Variants in ABLIM2 observed in about 807,000 individuals in gnomAD.
The protein encoded by ABLIM2 is actin-binding LIM protein 2.
ABLIM2 carries 53 observed loss-of-function variants against 97.7 expected under a neutral mutation model. That is an observed-to-expected ratio of 0.54 (90% confidence interval 0.44 to 0.68). The LOEUF (loss-of-function observed/expected upper bound fraction) is 0.68, where lower values mean the gene tolerates loss of function less well. ABLIM2 is among the 30% of genes least tolerant of loss of function. ABLIM2 has a pLI of 0.00. For missense variants in ABLIM2, 835 were observed against 867.2 expected (o/e 0.96, Z 0.47); for synonymous variants, 361 against 345.8 (o/e 1.04, Z -0.49).
chr4:7,974,696 T>C, intron 20 of ABLIM2, among the ~76,000 whole-genome samples: 1 of 150,480 alleles, frequency 6.6e-6, no homozygotes, highest in Non-Finnish European at 1.5e-5. Context: ...AACCCATCCA[T>C]CCACCCACCC....
intron 1 of ABLIM2, among the ~76,000 whole-genome samples, chr4:8,117,672 C>T (rs952335266): frequency 3.3e-4 from 50 of 151,222 alleles, no homozygotes; most frequent in African/African-American, 1.2e-3. Flanking sequence ...GCTTCTTCTC[C>T]CATACCCTGT....
chr4:8,150,647 G>A lies in ABLIM2; in HGVS notation c.10+8033C>T, dbSNP rs1712355377. ...AGCCACTGCTGCTGCCTGGGATGGGGGCTGCTCAGTAGAATGCAGCTAAAA... is the reference window on the plus strand; with the variant it reads ...AGCCACTGCTGCTGCCTGGGATGGGAGCTGCTCAGTAGAATGCAGCTAAAA... On this transcript the variant is annotated intron_variant, in intron 1 of 20. Coordinates refer to ENST00000447017, the MANE Select transcript of ABLIM2 (RefSeq NM_001130083.2). The surrounding 1 kb of genome is among the most constrained non-coding windows in gnomAD (Gnocchi z 6.3). 1.3e-5 allele frequency among the ~76,000 whole-genome samples: 2 copies of A among 152,212 alleles called. 1 individual carries two copies. The highest frequency in any genetic ancestry group is 4.1e-4 in the South Asian group (2 of 4,830).
At position 8,150,518 on chromosome 4, in the gene ABLIM2, C is replaced by T. The variant is rs1315884767; in HGVS notation, c.10+8162G>A. On this transcript the variant is annotated intron_variant, in intron 1 of 20. Coordinates refer to ENST00000447017, the MANE Select transcript of ABLIM2 (RefSeq NM_001130083.2). This position sits in a 1 kb window ranked among gnomAD's most constrained non-coding sequence, Gnocchi z 6.3. ...CACTTTTCTTGGTGCGCTGGCTGGA[C>T]TCACATTTCCAGATCGTCTCTCTAA... Among the ~76,000 whole-genome samples the T allele has an allele frequency of 2.0e-5, 3 of 152,240 alleles. No individual in the cohort carries two copies. Among genetic ancestry groups the T allele is most frequent in the Non-Finnish European group, 2.9e-5 (2 of 68,040 alleles).
intron 20 of ABLIM2, among the ~76,000 whole-genome samples, chr4:7,980,148 C>G (rs11728588): frequency 2.0e-5 from 3 of 151,920 alleles, no homozygotes; most frequent in Admixed American, 1.3e-4. Context: ...ATGAACCCCC[C>G]CTCTCTGCCA....
At chr4:8,049,752 A>G (rs1794796140) in intron 8 of ABLIM2, among the ~76,000 whole-genome samples, 1 of 152,092 alleles carries the variant, frequency 6.6e-6, no homozygotes, top group Non-Finnish European at 1.5e-5. Flanking sequence ...TTTTTGAGAC[A>G]GGGTCTCACT....
rs947377428 is a variant in ABLIM2, at chr4:8,022,550, C to T, written c.1268-2247G>A. ...AACACCAGCCCGAGTCCTGCCACCT[C>T]GGTCCCTCCCTCCCAGCACCCCGCC... is the stretch of plus-strand genomic sequence containing the variant. On this transcript the variant is annotated intron_variant, in intron 12 of 20. Coordinates refer to ENST00000447017, the MANE Select transcript of ABLIM2 (RefSeq NM_001130083.2). This position sits in a 1 kb window ranked among gnomAD's most constrained non-coding sequence, Gnocchi z 7.8. 1.3e-5 allele frequency: 2 copies of T among 152,550 alleles called. No homozygotes were observed. The highest frequency in any genetic ancestry group is 6.5e-5 in the Admixed American group (1 of 15,294). The allele number at this position is 152,550 out of a possible 1,614,324, so 9.4% of individuals were successfully genotyped here. A position where few individuals can be genotyped will look rare whatever the true frequency, so the allele number is the denominator to read the frequency against.
At chr4:8,024,199 C>G in intron 12 of ABLIM2, among the ~76,000 whole-genome samples, 1 of 152,292 alleles carries the variant, frequency 6.6e-6, no homozygotes, top group Middle Eastern at 3.4e-3. Context: ...GTGGGCCCAC[C>G]GCTCAGCACA....
chr4:7,980,938 C>CTTTTTTTTTTTTTTTTTTTTTTTTTTT (rs1255215577), intron 20 of ABLIM2, among the ~76,000 whole-genome samples: 1 of 38,494 alleles, frequency 2.6e-5, no homozygotes, highest in Non-Finnish European at 5.4e-5. Flanking sequence ...TCCACAACCC[C>CTTTTTTTTTTTTTTTTTTTTTTTTTTT]TTATTTTTTT....
At chr4:8,009,712 A>G (rs919597634) in intron 14 of ABLIM2, among the ~76,000 whole-genome samples, 1 of 152,130 alleles carries the variant, frequency 6.6e-6, no homozygotes, top group Non-Finnish European at 1.5e-5. Flanking sequence ...GCCTTTTGAG[A>G]ACAAGCATTT....
chr4:8,030,356 C>T lies in ABLIM2; in HGVS notation c.1048-580G>A, dbSNP rs145223167. ...AGGCAGGTGGTGTGGGGTGGCGTGG[C>T]ACCATGGCACGGGGGAGAGCAGGCT... On this transcript the variant is annotated intron_variant, in intron 10 of 20. Transcript: ENST00000447017. 5.3e-4 allele frequency among the ~76,000 whole-genome samples: 80 copies of T among 152,280 alleles called. No individual in the cohort carries two copies. The East Asian group carries it at 0.013, about 25-fold the overall frequency.
Position 8,123,053 on chromosome 4 carries a change from C to CA in ABLIM2, c.11-16417dup, listed in dbSNP as rs1846192936. On this transcript the variant is annotated intron_variant, in intron 1 of 20. Transcript: ENST00000447017. The surrounding 1 kb of genome is among the most constrained non-coding windows in gnomAD (Gnocchi z 6.2). ...TCCTATCTGCTGCTGCTCTTCCTGGCATGAAGCAGTCCCCTGTGCGTGGTT... is the reference window on the plus strand; with the variant it reads ...TCCTATCTGCTGCTGCTCTTCCTGGCAATGAAGCAGTCCCCTGTGCGTGGTT... Among the ~76,000 whole-genome samples, 1 of 152,210 alleles carries CA rather than the reference C, an allele frequency of 6.6e-6. No homozygotes were observed. Among genetic ancestry groups the CA allele is most frequent in the Admixed American group, 6.5e-5 (1 of 15,282 alleles).
intron 6 of ABLIM2, among the ~76,000 whole-genome samples, chr4:8,073,068 T>A (rs1003950862): frequency 1.6e-4 from 25 of 151,584 alleles, no homozygotes; most frequent in Non-Finnish European, 3.5e-4. Context: ...AGGCTGCTGT[T>A]TTTAACGGGA....
At chr4:8,012,556 AC>A (rs1330617301) in intron 14 of ABLIM2, among the ~76,000 whole-genome samples, 2 of 137,328 alleles carry the variant, frequency 1.5e-5, no homozygotes, top group African/African-American at 5.6e-5. Context: ...CTACCCACTC[AC>A]CCATCTATCC....
At chr4:8,047,117 G>A (rs541183292) in intron 8 of ABLIM2, among the ~76,000 whole-genome samples, 9 of 152,326 alleles carry the variant, frequency 5.9e-5, no homozygotes, top group East Asian at 5.8e-4. Context: ...CATCAGCGCC[G>A]GATGTGGGGC....
In ABLIM2 at chr4:8,071,981, C is replaced by A; in HGVS notation, c.675+5647G>T. On this transcript the variant is annotated intron_variant, in intron 6 of 20. Transcript: ENST00000447017. This position sits in a 1 kb window ranked among gnomAD's most constrained non-coding sequence, Gnocchi z 6.2. Reference sequence around the variant, plus strand: ...GTGCCACCGCGGCGGCGGCAGCTCCCCTTCTGCGGAGCCAGGCTTGTCCCC... The same window carrying A: ...GTGCCACCGCGGCGGCGGCAGCTCCACTTCTGCGGAGCCAGGCTTGTCCCC... 2.0e-6 allele frequency: 2 copies of A among 985,518 alleles called. No individual in the cohort carries two copies. Among genetic ancestry groups the A allele is most frequent in the Non-Finnish European group, 2.4e-6 (2 of 830,030 alleles). The allele number at this position is 985,518 out of a possible 1,614,324, so 61.0% of individuals were successfully genotyped here.
intron 1 of ABLIM2, among the ~76,000 whole-genome samples, chr4:8,109,097 C>T (rs979389899): frequency 6.6e-5 from 10 of 152,218 alleles, no homozygotes; most frequent in African/African-American, 2.2e-4. Flanking sequence ...GAAGGGAGGC[C>T]GCGGCACTGG....
At chr4:8,035,755 G>C (rs1412801443) in intron 10 of ABLIM2, among the ~76,000 whole-genome samples, 1 of 152,234 alleles carries the variant, frequency 6.6e-6, no homozygotes, top group Non-Finnish European at 1.5e-5. Context: ...AGCCATGGCA[G>C]CGAGGGTGGC....
In ABLIM2 at chr4:8,071,817, T is replaced by C; in HGVS notation, c.675+5811A>G. Reference sequence around the variant, plus strand: ...GCCCAGTCTGACGGCCCTGCTTGAGTGCCGTGCTCCCTGGAACGTGTGCCT... The same window carrying C: ...GCCCAGTCTGACGGCCCTGCTTGAGCGCCGTGCTCCCTGGAACGTGTGCCT... On this transcript the variant is annotated intron_variant, in intron 6 of 20. Coordinates refer to ENST00000447017, the MANE Select transcript of ABLIM2 (RefSeq NM_001130083.2). This position sits in a 1 kb window ranked among gnomAD's most constrained non-coding sequence, Gnocchi z 6.2. The C allele has an allele frequency of 4.1e-6, 4 of 985,168 alleles. No individual in the cohort carries two copies. Among genetic ancestry groups the C allele is most frequent in the Non-Finnish European group, 4.8e-6 (4 of 829,932 alleles). The allele number at this position is 985,168 out of a possible 1,614,324, so 61.0% of individuals were successfully genotyped here. A position where few individuals can be genotyped will look rare whatever the true frequency, so the allele number is the denominator to read the frequency against.
intron 7 of ABLIM2, among the ~76,000 whole-genome samples, chr4:8,059,623 G>T (rs1414385196): frequency 6.6e-6 from 1 of 152,000 alleles, no homozygotes; most frequent in African/African-American, 2.4e-5. Context: ...TTTGATGGCC[G>T]GGGCATGGTG....
Sources: allele counts gnomAD v4.1 joint callset (sites outside exome capture counted in the v4.1 genomes callset), GRCh38; gene constraint gnomAD v4.1.1; non-coding constraint Gnocchi (gnomAD v3.1); transcripts MANE v1.5; gene names NCBI Gene and HGNC (gene_info 2026-07-23, HGNC 2026-07-21).